ATP13A4: variants seen among roughly 807,000 people sequenced by gnomAD.
ATP13A4 encodes the protein probable cation-transporting ATPase 13A4.
A neutral mutation model predicts 142.5 loss-of-function variants in ATP13A4; 114 were observed. That is an observed-to-expected ratio of 0.80 (90% CI 0.69 to 0.93). The LOEUF is 0.93. ATP13A4 is among the 40% of genes least tolerant of loss of function. ATP13A4 has a pLI of 0.00. For missense variants in ATP13A4, 1,392 were observed against 1,454.0 expected, an observed-to-expected ratio of 0.96 and a Z score of 0.69; for synonymous variants, 488 against 514.8, an observed-to-expected ratio of 0.95 and a Z score of 0.70.
At chr3:193,432,335 T>C (rs763077271) in intron 25 of ATP13A4, among the ~76,000 whole-genome samples, 20 of 152,140 alleles carry the variant, frequency 1.3e-4, no homozygotes, top group Non-Finnish European at 2.6e-4. Flanking sequence ...TATAGCTGTT[T>C]GGAAAGACAG....
intron 1 of ATP13A4, among the ~76,000 whole-genome samples, chr3:193,521,034 A>G: frequency 6.6e-6 from 1 of 152,186 alleles, no homozygotes; most frequent in Admixed American, 6.5e-5. Context: ...TGTCAGGCTC[A>G]AGAACCAAGG....
intron 29 of ATP13A4, among the ~76,000 whole-genome samples, chr3:193,406,189 C>T (rs1169601112): frequency 6.6e-6 from 1 of 152,178 alleles, no homozygotes; most frequent in Non-Finnish European, 1.5e-5. Flanking sequence ...CTGATGCCCA[C>T]TCAAGTTTGA....
intron 2 of ATP13A4, among the ~76,000 whole-genome samples, chr3:193,573,292 C>CATATATATATATATACATATATAT (rs1161447871): frequency 3.7e-5 from 4 of 107,888 alleles, no homozygotes; most frequent in Non-Finnish European, 7.0e-5. Context: ...TATATATACA[C>CATATATATATATATACATATATAT]ATATATATAT....
rs964695184 is a variant in ATP13A4 at position 193,417,911 on chromosome 3, A to G, written c.2843-3161T>C. ...GCCAAGGCGGGCGGATCACAAGGTC[A>G]GGAGATCGAGACCATCCCGGCTAAA... On this transcript the variant is annotated intron_variant, in intron 25 of 29. Transcript: ENST00000342695. 2.7e-5 allele frequency among the ~76,000 whole-genome samples: 4 copies of G among 147,050 alleles called. No individual in the cohort carries two copies. In the Admixed American group the frequency reaches 2.9e-4, roughly 11 times the overall value.
In ATP13A4 at chr3:193,440,606, A is replaced by G; in HGVS notation, c.2471T>C (p.Met824Thr). The part of the protein sequence containing the change: ...ILINGTIFAR[M>T]SPGQKSSLVE... ...CAGACTGGACTTCTGCCCAGGAGAC[A>G]TTCTTGCAAAGATGGTCCCATTGAT... The change falls in exon 21 of 30, where the codon ATG becomes ACG. Residue 824 changes from methionine to threonine, a missense_variant. Physicochemically the swap from Met to Thr is moderately conservative, Grantham distance 81. Coordinates refer to ENST00000342695, the MANE Select transcript of ATP13A4 (RefSeq NM_032279.4). 1 of 1,614,104 alleles carries G rather than the reference A, an allele frequency of 6.2e-7. No individual in the cohort carries two copies. The highest frequency in any genetic ancestry group is 1.7e-5 in the Admixed American group (1 of 60,026).
intron 25 of ATP13A4, among the ~76,000 whole-genome samples, chr3:193,416,584 G>A (rs775186726): frequency 2.2e-4 from 33 of 152,094 alleles, no homozygotes; most frequent in Non-Finnish European, 4.3e-4. Flanking sequence ...GCAGACTTGA[G>A]CAGGCAGTTT....
intron 25 of ATP13A4, among the ~76,000 whole-genome samples, chr3:193,426,431 G>A (rs962300085): frequency 2.0e-5 from 3 of 151,778 alleles, no homozygotes; most frequent in African/African-American, 4.8e-5. Context: ...TAAGATGTTT[G>A]TACTATCCAA....
At chr3:193,540,549 A>C (rs1295492534) in intron 1 of ATP13A4, among the ~76,000 whole-genome samples, 3 of 151,430 alleles carry the variant, frequency 2.0e-5, no homozygotes, top group African/African-American at 4.8e-5. Flanking sequence ...AAAAAAAAAA[A>C]AAAAACCCTT....
At chr3:193,544,160 G>C (rs1250804777) in intron 1 of ATP13A4, among the ~76,000 whole-genome samples, 1 of 152,156 alleles carries the variant, frequency 6.6e-6, no homozygotes, top group Non-Finnish European at 1.5e-5. Context: ...TCTGGAATGA[G>C]ATAGTAACTG....
chr3:193,514,730 G>C lies in ATP13A4; in HGVS notation c.202C>G (p.Gln68Glu). The part of the protein sequence containing the change: ...VWAHCVPCSL[Q>E]EADTVLLRTT... ...CTCAGCAACACAGTGTCTGCTTCTT[G>C]CAAGGAACATGGGACACAATGTGCC... The change falls in exon 2 of 30, where the codon CAA becomes GAA. Residue 68 changes from glutamine to glutamate, a missense_variant. Coordinates refer to ENST00000342695, the MANE Select transcript of ATP13A4 (RefSeq NM_032279.4). 6.2e-7 allele frequency: 1 copy of C among 1,614,178 alleles called. No homozygotes were observed. The highest frequency in any genetic ancestry group is 8.5e-7 in the Non-Finnish European group (1 of 1,180,030).
At chr3:193,496,099 A>T (rs1224324673) in intron 3 of ATP13A4, among the ~76,000 whole-genome samples, 1 of 152,240 alleles carries the variant, frequency 6.6e-6, no homozygotes, top group Non-Finnish European at 1.5e-5. Flanking sequence ...AAGATATTCC[A>T]TTCTCATGGA....
rs1390653236 is a variant in ATP13A4, at chr3:193,438,514, G to A, written c.2633C>T (p.Ser878Phe). The A allele has an allele frequency of 6.2e-7, 1 of 1,614,156 alleles. No homozygotes were observed. Among genetic ancestry groups the A allele is most frequent in the South Asian group, 1.1e-5 (1 of 91,078 alleles). The change falls in exon 23 of 30, where the codon TCC (serine) becomes TTC (phenylalanine). Residue 878 changes from serine (S) to phenylalanine (F), a missense_variant. Physicochemically the swap from Ser to Phe is radical, Grantham distance 155. Coordinates refer to ENST00000342695, the MANE Select transcript of ATP13A4 (RefSeq NM_032279.4). ...TACGCACTCAATGTTTGGAGTTTTG[G>A]AAGTGAAAGGTGAGGCCACAGATGC... is the stretch of plus-strand genomic sequence containing the variant. ...QEASVASPFT[S>F]KTPNIECVPH...
Position 193,585,886 on chromosome 3 carries a change from T to A in ATP13A4, n.92-3980A>T, listed in dbSNP as rs147002731. On this transcript the variant is annotated intron_variant and non_coding_transcript_variant, in intron 1 of 3. Transcript: ENST00000489140. Reference sequence around the variant, plus strand: ...GGTTAGACCAAAGGGGAAGTGTATATTTAACTTTATAAGAAAATGCCAAAT... The same window carrying A: ...GGTTAGACCAAAGGGGAAGTGTATAATTAACTTTATAAGAAAATGCCAAAT... 3.7e-4 allele frequency among the ~76,000 whole-genome samples: 57 copies of A among 152,270 alleles called. 1 individual carries two copies. In the East Asian group the frequency reaches 0.01, roughly 28 times the overall value.
At position 193,505,108 on chromosome 3, in the gene ATP13A4, A is replaced by T. The variant is rs180963072; in HGVS notation, c.235-2469T>A. Among the ~76,000 whole-genome samples, 16 of 152,316 alleles carry T rather than the reference A, an allele frequency of 1.1e-4. No individual in the cohort carries two copies. In the East Asian group the frequency reaches 3.1e-3, roughly 29 times the overall value. ...CTGAGACCTGAGTCCAGATCTTTCC[A>T]TTCCAAATCTTGGTCCCTTCCTCTT... On this transcript the variant is annotated intron_variant, in intron 2 of 29. Coordinates refer to ENST00000342695, the MANE Select transcript of ATP13A4 (RefSeq NM_032279.4).
intron 1 of ATP13A4, among the ~76,000 whole-genome samples, chr3:193,535,629 TAGA>T (rs972000800): frequency 6.6e-6 from 1 of 151,994 alleles, no homozygotes; most frequent in African/African-American, 2.4e-5. Flanking sequence ...CTCAAGAACC[TAGA>T]AGAAGAGCAA....
intron 7 of ATP13A4, among the ~76,000 whole-genome samples, chr3:193,487,510 C>T (rs781523581): frequency 1.3e-5 from 2 of 152,146 alleles, no homozygotes; most frequent in Non-Finnish European, 2.9e-5. Context: ...GAGACGAGGT[C>T]TCACTATGTT....
chr3:193,424,329 A>AC (rs1417805704), intron 25 of ATP13A4, among the ~76,000 whole-genome samples: 4 of 148,924 alleles, frequency 2.7e-5, no homozygotes, highest in African/African-American at 9.9e-5. Context: ...TAGAAAAAAA[A>AC]ATCCTAAAAT....
intron 3 of ATP13A4, 147 bp downstream of exon 3, chr3:193,502,346 T>G: frequency 1.0e-6 from 1 of 972,212 alleles, no homozygotes; most frequent in Non-Finnish European, 1.6e-6. Context: ...CAAGCTGAGA[T>G]TTGGACTGTC....
chr3:193,410,604 A>G (rs185378292), intron 28 of ATP13A4, among the ~76,000 whole-genome samples: 2 of 152,242 alleles, frequency 1.3e-5, no homozygotes, highest in Admixed American at 6.5e-5. Context: ...CTGCAGTCCT[A>G]GCTACTCGGG....
Sources: gnomAD v4.1 joint callset for allele counts (sites outside exome capture counted in the v4.1 genomes callset) on GRCh38, gnomAD v4.1.1 for gene constraint, MANE v1.5 for transcripts, NCBI Gene and HGNC (gene_info 2026-07-23, HGNC 2026-07-21) for gene names.